DHRSX: variants seen among roughly 807,000 people sequenced by gnomAD.
DHRSX encodes the protein polyprenol dehydrogenase.
In DHRSX, 31 loss-of-function variants were observed where a neutral mutation model predicts 34.0. The ratio of observed to expected loss-of-function variants is 0.91; its 90% CI spans 0.69 to 1.23. The LOEUF (loss-of-function observed/expected upper bound fraction) is 1.23, where lower values mean the gene tolerates loss of function less well. DHRSX is among the 50% of genes most tolerant of loss of function. The pLI is 0.00. For synonymous variants in DHRSX, 201 were observed against 183.8 expected (o/e 1.09, Z -0.76); for missense variants, 414 against 428.1 (o/e 0.97, Z 0.29).
chrX:2,404,568 TA>T (rs1233418419), intron 3 of DHRSX, among the ~76,000 whole-genome samples: 6 of 152,186 alleles, frequency 3.9e-5, no homozygotes, highest in Non-Finnish European at 8.8e-5. Flanking sequence ...CCAAGCATTA[TA>T]AAAACTCTGC....
At chrX:2,433,744 T>A (rs1210694390) in intron 1 of DHRSX, among the ~76,000 whole-genome samples, 1 of 152,186 alleles carries the variant, frequency 6.6e-6, no homozygotes, top group Non-Finnish European at 1.5e-5. Flanking sequence ...TCATCCTTTT[T>A]ATGGCTGCGT....
intron 3 of DHRSX, among the ~76,000 whole-genome samples, chrX:2,355,545 A>AAAAAAT (rs2042840043): frequency 1.5e-5 from 2 of 131,300 alleles, no homozygotes; most frequent in African/African-American, 5.7e-5. Context: ...AAAAAAAAAA[A>AAAAAAT]GACTATCATT....
intron 3 of DHRSX, among the ~76,000 whole-genome samples, chrX:2,396,106 G>A (rs754514068): frequency 7.9e-5 from 12 of 152,030 alleles, no homozygotes; most frequent in African/African-American, 2.2e-4. Context: ...TGGCCGCATC[G>A]CTCCAGTCTC....
intron 6 of DHRSX, among the ~76,000 whole-genome samples, chrX:2,231,900 TCTCTTATCTTCTTCTTTTC>T (rs1004682274): frequency 6.7e-6 from 1 of 150,290 alleles, no homozygotes; most frequent in African/African-American, 2.4e-5. Context: ...TCCTCCTCTT[TCTCTTATCTTCTTCTTTTC>T]CTCTATCTTT....
At chrX:2,285,182 C>T (rs1258599164) in intron 4 of DHRSX, among the ~76,000 whole-genome samples, 4 of 152,110 alleles carry the variant, frequency 2.6e-5, no homozygotes, top group African/African-American at 9.7e-5. Context: ...ATTTATTGTA[C>T]ACTTTATTTG....
chrX:2,241,934 A>T (rs975563306), intron 6 of DHRSX, among the ~76,000 whole-genome samples: 38 of 152,034 alleles, frequency 2.5e-4, no homozygotes, highest in Non-Finnish European at 5.0e-4. Flanking sequence ...AACAAACAAC[A>T]ATAACAAAAA....
At chrX:2,238,927 C>T (rs2016079224) in intron 6 of DHRSX, among the ~76,000 whole-genome samples, 1 of 152,078 alleles carries the variant, frequency 6.6e-6, no homozygotes, top group Admixed American at 6.5e-5. Context: ...TGCATGCATG[C>T]ATACACACTA....
chrX:2,326,867 A>C (rs1374444622), intron 3 of DHRSX, among the ~76,000 whole-genome samples: 2 of 151,074 alleles, frequency 1.3e-5, no homozygotes, highest in African/African-American at 2.4e-5. Flanking sequence ...GCTGGAGTAT[A>C]ATGGCGCAAT....
intron 3 of DHRSX, among the ~76,000 whole-genome samples, chrX:2,326,861 G>GAGTA (rs2042393365): frequency 6.6e-6 from 1 of 151,260 alleles, no homozygotes; most frequent in Non-Finnish European, 1.5e-5. Flanking sequence ...GCCCAAGCTG[G>GAGTA]AGTATAATGG....
In DHRSX at chrX:2,220,921, G is replaced by A. The variant is rs950222715; in HGVS notation, c.*120C>T. The A allele has an allele frequency of 5.4e-6, 5 of 925,698 alleles. No individual in the cohort carries two copies. In the African/African-American group the frequency reaches 8.3e-5, roughly 15 times the overall value. The allele number at this position is 925,698 out of a possible 1,614,324, so 57.3% of individuals were successfully genotyped here. On this transcript the variant is annotated 3_prime_UTR_variant, in exon 7 of 7. Coordinates refer to ENST00000334651, the MANE Select transcript of DHRSX (RefSeq NM_145177.3). The stretch of plus-strand genomic sequence containing the variant: ...TTGAGGCAGCTGTCTCAAAACTAGA[G>A]GACAGAGCCCTGTGGGCAGGTGGGT...
At chrX:2,249,664 C>T (rs1448715975) in intron 5 of DHRSX, among the ~76,000 whole-genome samples, 1 of 151,360 alleles carries the variant, frequency 6.6e-6, no homozygotes. Flanking sequence ...GCTGGGACTA[C>T]AGGCGCCTAC....
intron 3 of DHRSX, among the ~76,000 whole-genome samples, chrX:2,346,399 G>A (rs944122305): frequency 6.6e-6 from 1 of 152,038 alleles, no homozygotes; most frequent in African/African-American, 2.4e-5. Context: ...AGTCCAGGCT[G>A]GCACCATTTC....
At chrX:2,441,515 G>A (rs1313000362) in intron 1 of DHRSX, among the ~76,000 whole-genome samples, 2 of 152,190 alleles carry the variant, frequency 1.3e-5, no homozygotes, top group African/African-American at 2.4e-5. Context: ...CTCCCAAGAT[G>A]TGGGGGAGGG....
At chrX:2,262,111 C>A (rs1368918549) in intron 5 of DHRSX, among the ~76,000 whole-genome samples, 5 of 152,188 alleles carry the variant, frequency 3.3e-5, no homozygotes, top group African/African-American at 1.2e-4. Flanking sequence ...CCCCACACAC[C>A]CAGCCCAGCC....
intron 6 of DHRSX, among the ~76,000 whole-genome samples, chrX:2,231,944 TCCTCCTTC>T (rs956214688): frequency 6.7e-6 from 1 of 149,290 alleles, no homozygotes; most frequent in African/African-American, 2.5e-5. Flanking sequence ...TCCTCTTCTC[TCCTCCTTC>T]TCTTTTCTTT....
chrX:2,494,495 A>G (rs2045233873), intron 1 of DHRSX, among the ~76,000 whole-genome samples: 1 of 151,934 alleles, frequency 6.6e-6, no homozygotes, highest in Non-Finnish European at 1.5e-5. Context: ...CAGGACCTGT[A>G]GTAAAGGTTT....
chrX:2,360,888 A>C (rs1203497571), intron 3 of DHRSX, among the ~76,000 whole-genome samples: 1 of 152,060 alleles, frequency 6.6e-6, no homozygotes, highest in Admixed American at 6.6e-5. Flanking sequence ...CTAAACACCA[A>C]ATACATATCC....
intron 3 of DHRSX, among the ~76,000 whole-genome samples, chrX:2,350,057 C>T (rs1197846822): frequency 2.0e-5 from 3 of 149,426 alleles, no homozygotes; most frequent in African/African-American, 2.4e-5. Flanking sequence ...AAAAAAAGAA[C>T]GTAATTGGCC....
chrX:2,340,090 C>G, intron 3 of DHRSX, among the ~76,000 whole-genome samples: 1 of 151,092 alleles, frequency 6.6e-6, no homozygotes, highest in Non-Finnish European at 1.5e-5. Context: ...AACACAAGAA[C>G]AGAAAACCAA....
Sources: allele counts gnomAD v4.1 joint callset (sites outside exome capture counted in the v4.1 genomes callset), GRCh38; gene constraint gnomAD v4.1.1; transcripts MANE v1.5; gene names NCBI Gene and HGNC (gene_info 2026-07-23, HGNC 2026-07-21).